The following BRINP2 variants were observed in gnomAD, a reference collection of about 807,000 sequenced individuals.
The protein encoded by BRINP2 is BMP/retinoic acid inducible neural specific 2.
A neutral mutation model predicts 69.2 loss-of-function variants in BRINP2; 21 were observed. The observed-to-expected ratio is 0.30, with a 90% CI of 0.22 to 0.44. BRINP2 has a LOEUF of 0.44. Among genes scored for constraint, BRINP2 ranks in the 20% least tolerant of loss-of-function variants. BRINP2 has a pLI of 1.00. For synonymous variants in BRINP2, 380 were observed against 394.1 expected, an observed-to-expected ratio of 0.96 and a Z score of 0.42; for missense variants, 877 against 986.0, an observed-to-expected ratio of 0.89 and a Z score of 1.48.
chr1:177,258,917 A>T (rs748014372), intron 4 of BRINP2, among the ~76,000 whole-genome samples: 1 of 152,140 alleles, frequency 6.6e-6, no homozygotes, highest in Non-Finnish European at 1.5e-5. Flanking sequence ...AGACACAACA[A>T]TATTGAAATT....
chr1:177,265,981 G>A (rs12031361), intron 4 of BRINP2, among the ~76,000 whole-genome samples: 60,485 of 151,394 alleles, frequency 0.4, 13,624 homozygotes, highest in Non-Finnish European at 0.51. Context: ...TTAGCTGGGC[G>A]TGGTGGCAGG....
At chr1:177,220,118 T>C (rs1649481688) in intron 1 of BRINP2, among the ~76,000 whole-genome samples, 1 of 152,122 alleles carries the variant, frequency 6.6e-6, no homozygotes, top group South Asian at 2.1e-4. Flanking sequence ...CTAGAATATA[T>C]AAAGAGGAAC....
chr1:177,242,929 G>C (rs904949731), intron 2 of BRINP2, among the ~76,000 whole-genome samples: 11 of 152,106 alleles, frequency 7.2e-5, no homozygotes, highest in African/African-American at 2.7e-4. Context: ...AGACTGACTG[G>C]GTTAAACTGC....
chr1:177,256,737 G>C, intron 3 of BRINP2: 1 of 1,084,668 alleles, frequency 9.2e-7, no homozygotes, highest in Non-Finnish European at 1.1e-6. Context: ...CTCTCCCAGG[G>C]CTCGGGCCAG....
chr1:177,282,381 A>C lies in BRINP2; in HGVS notation c.*853A>C, dbSNP rs917824635. Reference sequence around the variant, plus strand: ...TTGTTTTCCTTGTTAATCTGCTCCAACCACCTGAACATCTAAGTAAACATT... The same window carrying C: ...TTGTTTTCCTTGTTAATCTGCTCCACCCACCTGAACATCTAAGTAAACATT... On this transcript the variant is annotated 3_prime_UTR_variant, in exon 8 of 8. Transcript: ENST00000361539. 1 of 152,108 alleles carries C rather than the reference A, an allele frequency of 6.6e-6. No homozygotes were observed. Among genetic ancestry groups the C allele is most frequent in the Admixed American group, 6.6e-5 (1 of 15,260 alleles). The allele number at this position is 152,108 out of a possible 1,614,324, so 9.4% of individuals were successfully genotyped here.
At chr1:177,259,103 G>T (rs1650859880) in intron 4 of BRINP2, among the ~76,000 whole-genome samples, 1 of 152,188 alleles carries the variant, frequency 6.6e-6, no homozygotes, top group African/African-American at 2.4e-5. Context: ...AGTTGCAAAT[G>T]CAAAGAAAAA....
At chr1:177,223,573 C>T (rs369741691) in intron 1 of BRINP2, among the ~76,000 whole-genome samples, 4 of 152,120 alleles carry the variant, frequency 2.6e-5, no homozygotes, top group Non-Finnish European at 5.9e-5. Context: ...TCAGAATATG[C>T]GAGTTTCACT....
intron 1 of BRINP2, among the ~76,000 whole-genome samples, chr1:177,224,816 A>T (rs1649648124): frequency 6.6e-6 from 1 of 152,204 alleles, no homozygotes; most frequent in Non-Finnish European, 1.5e-5. Flanking sequence ...TTATATTGGT[A>T]TTTATTAATG....
intron 1 of BRINP2, among the ~76,000 whole-genome samples, chr1:177,225,912 T>G (rs930376760): frequency 1.1e-4 from 16 of 152,196 alleles, no homozygotes; most frequent in African/African-American, 3.9e-4. Flanking sequence ...AGAGGAGCAG[T>G]CGGCACTGAA....
rs1405710160 is a variant in BRINP2 at position 177,282,176 on chromosome 1, A to C, written c.*648A>C. On this transcript the variant is annotated 3_prime_UTR_variant, in exon 8 of 8. Transcript: ENST00000361539. ...CCTCCCTCTGCTGCCTCCTCCCCCC[A>C]CCAAGTTTCAGGGCCCTGGATTGTT... The C allele has an allele frequency of 6.6e-6, 1 of 152,060 alleles. No homozygotes were observed. Among genetic ancestry groups the C allele is most frequent in the East Asian group, 1.9e-4 (1 of 5,168 alleles). 9.4% of individuals were successfully genotyped at this position (152,060 alleles called of 1,614,324 possible).
At chr1:177,194,415 C>T (rs924004679) in intron 1 of BRINP2, among the ~76,000 whole-genome samples, 15 of 152,174 alleles carry the variant, frequency 9.9e-5, no homozygotes, top group Non-Finnish European at 1.6e-4. Flanking sequence ...GCAAATGTTT[C>T]TGAGAACCTG....
intron 5 of BRINP2, among the ~76,000 whole-genome samples, chr1:177,274,576 A>G (rs1651436804): frequency 6.6e-6 from 1 of 152,216 alleles, no homozygotes; most frequent in Non-Finnish European, 1.5e-5. Flanking sequence ...TTGTGTCTGG[A>G]AAGTAGCAGT....
At chr1:177,193,333 C>T (rs1411539181) in intron 1 of BRINP2, among the ~76,000 whole-genome samples, 1 of 152,154 alleles carries the variant, frequency 6.6e-6, no homozygotes, top group African/African-American at 2.4e-5. Context: ...TGAGCAATTG[C>T]AAGCTATTTC....
chr1:177,260,509 G>A (rs1026915479), intron 4 of BRINP2, among the ~76,000 whole-genome samples: 8 of 152,242 alleles, frequency 5.3e-5, no homozygotes, highest in East Asian at 1.9e-4. Flanking sequence ...ATCAAATAGC[G>A]TCACATGCTA....
At chr1:177,181,748 C>T (rs898863003) in intron 1 of BRINP2, among the ~76,000 whole-genome samples, 3 of 152,170 alleles carry the variant, frequency 2.0e-5, no homozygotes, top group Non-Finnish European at 4.4e-5. Flanking sequence ...TTGGGAGGCG[C>T]CCTGCACACG....
At chr1:177,175,114 TC>T (rs1271183682) in intron 1 of BRINP2, among the ~76,000 whole-genome samples, 13 of 152,344 alleles carry the variant, frequency 8.5e-5, no homozygotes, top group African/African-American at 3.1e-4. Context: ...CCTGGGGTTT[TC>T]TTAGAGCTGG....
At chr1:177,247,263 T>TA (rs1324834618) in intron 2 of BRINP2, among the ~76,000 whole-genome samples, 1 of 152,200 alleles carries the variant, frequency 6.6e-6, no homozygotes, top group Non-Finnish European at 1.5e-5. Flanking sequence ...CAGTGGTACT[T>TA]ATTGATTTTC....
chr1:177,238,717 T>C lies in BRINP2; in HGVS notation c.269+8572T>C, dbSNP rs150627968. On this transcript the variant is annotated intron_variant, in intron 2 of 7. Transcript: ENST00000361539. ...GAAAAGAGTAAAGTGACAAAGAAAA[T>C]AGATGGTCTGAAAAAATAAAAAATA... Among the ~76,000 whole-genome samples, 110 of 152,148 alleles carry C rather than the reference T, an allele frequency of 7.2e-4. 1 individual carries two copies. In the East Asian group the frequency reaches 0.018, roughly 25 times the overall value.
At chr1:177,182,183 T>C (rs1648278766) in intron 1 of BRINP2, among the ~76,000 whole-genome samples, 1 of 118,134 alleles carries the variant, frequency 8.5e-6, no homozygotes, top group African/African-American at 3.2e-5. Flanking sequence ...TCACTCAGCC[T>C]CACTCAGCCC....
Sources: allele counts gnomAD v4.1 joint callset (sites outside exome capture counted in the v4.1 genomes callset), GRCh38; gene constraint gnomAD v4.1.1; transcripts MANE v1.5; gene names NCBI Gene and HGNC (gene_info 2026-07-23, HGNC 2026-07-21).